The following UPF2 variants were observed in gnomAD, a reference collection of about 807,000 sequenced individuals.
UPF2 encodes regulator of nonsense transcripts 2.
A neutral mutation model predicts 141.4 loss-of-function variants in UPF2; 17 were observed. The ratio of observed to expected loss-of-function variants is 0.12; its 90% confidence interval spans 0.08 to 0.18. The LOEUF is 0.18. UPF2 is among the 10% of genes least tolerant of loss of function. The pLI, the probability that UPF2 is intolerant of heterozygous loss-of-function variation, is 1.00. For synonymous variants in UPF2, 540 were observed against 498.0 expected, an observed-to-expected ratio of 1.08 and a Z score of -1.12; for missense variants, 1,152 against 1,515.9, an observed-to-expected ratio of 0.76 and a Z score of 3.99.
At chr10:12,000,693 G>T (rs904355416) in intron 6 of UPF2, among the ~76,000 whole-genome samples, 62 of 152,110 alleles carry the variant, frequency 4.1e-4, no homozygotes, top group African/African-American at 1.5e-3. Flanking sequence ...TACAGTCCCA[G>T]CTACTTGGAG....
At chr10:11,974,947 G>A (rs2131220241) in intron 9 of UPF2, among the ~76,000 whole-genome samples, 1 of 152,172 alleles carries the variant, frequency 6.6e-6, no homozygotes, top group East Asian at 1.9e-4. Context: ...AAAATATTTG[G>A]TACAACTGCC....
chr10:12,015,165 A>G (rs1339130386), intron 3 of UPF2, among the ~76,000 whole-genome samples: 1 of 152,258 alleles, frequency 6.6e-6, no homozygotes, highest in Non-Finnish European at 1.5e-5. Context: ...AAAGTCAATT[A>G]TAAATTATAA....
chr10:11,925,460 A>C (rs1197217541), intron 21 of UPF2, among the ~76,000 whole-genome samples: 2 of 152,266 alleles, frequency 1.3e-5, no homozygotes, highest in Non-Finnish European at 2.9e-5. Context: ...GACTGTGAAA[A>C]GTTCTTTTGT....
chr10:11,946,865 C>G (rs1356532767), intron 16 of UPF2, among the ~76,000 whole-genome samples: 1 of 152,150 alleles, frequency 6.6e-6, no homozygotes, highest in Non-Finnish European at 1.5e-5. Context: ...TAGATGTGCA[C>G]AGCTTCATGG....
chr10:12,038,683 A>G (rs1834679203), intron 1 of UPF2, among the ~76,000 whole-genome samples: 1 of 149,716 alleles, frequency 6.7e-6, no homozygotes, highest in African/African-American at 2.5e-5. Context: ...AAGCCGAGAT[A>G]GCGCCACTGC....
At chr10:11,938,665 C>T (rs753874775) in intron 18 of UPF2, among the ~76,000 whole-genome samples, 4 of 151,500 alleles carry the variant, frequency 2.6e-5, no homozygotes, top group African/African-American at 7.3e-5. Context: ...CTAGATCATT[C>T]ATCATTTCTC....
At chr10:11,962,780 C>T (rs937791340) in intron 11 of UPF2, among the ~76,000 whole-genome samples, 8 of 152,118 alleles carry the variant, frequency 5.3e-5, no homozygotes, top group African/African-American at 1.9e-4. Context: ...CTAGTGCGTG[C>T]CTATCCTCCT....
At position 12,042,230 on chromosome 10, in the gene UPF2, G is replaced by A. The variant is rs1049052756; in HGVS notation, c.-19+525C>T. Among the ~76,000 whole-genome samples, 10 of 149,762 alleles carry A rather than the reference G, an allele frequency of 6.7e-5. No individual in the cohort carries two copies. Among genetic ancestry groups the A allele is most frequent in the African/African-American group, 2.2e-4 (9 of 40,526 alleles). ...CCCCGACACAACTCCCCTTCCCACA[G>A]GTATCCACGGTCACCTTCGCGGACC... On this transcript the variant is annotated intron_variant, in intron 1 of 21. Transcript: ENST00000357604. The surrounding 1 kb of genome is among the most constrained non-coding windows in gnomAD (Gnocchi z 5.5).
In UPF2 at chr10:11,999,976, T is replaced by C; in HGVS notation, c.1688A>G (p.His563Arg). The change falls in exon 7 of 22, where the codon CAT (histidine) becomes CGT (arginine). Residue 563 changes from histidine (H) to arginine (R), a missense_variant. Physicochemically the swap from His to Arg is conservative, Grantham distance 29 (BLOSUM62 0). Coordinates refer to ENST00000357604, the MANE Select transcript of UPF2 (RefSeq NM_015542.4). The stretch of plus-strand genomic sequence containing the variant: ...GAAAGCATCTACTATGAGCTTGAGA[T>C]GAGATCCAGTGCTGGCTTCCTCATC... ...QEDEEASTGS[H>R]LKLIVDAFLQ... 6.2e-7 allele frequency: 1 copy of C among 1,609,570 alleles called. No homozygotes were observed. The highest frequency in any genetic ancestry group is 8.5e-7 in the Non-Finnish European group (1 of 1,176,686).
chr10:11,938,744 T>C (rs1437479964), intron 18 of UPF2, among the ~76,000 whole-genome samples: 1 of 151,934 alleles, frequency 6.6e-6, no homozygotes, highest in Admixed American at 6.6e-5. Flanking sequence ...TGGCCTGTCA[T>C]TTCTTCAAGT....
At chr10:11,967,726 T>G (rs1278782896) in intron 9 of UPF2, among the ~76,000 whole-genome samples, 1 of 151,972 alleles carries the variant, frequency 6.6e-6, no homozygotes, top group Admixed American at 6.6e-5. Context: ...GGTAATTTTT[T>G]GTATTTTTAG....
At chr10:12,024,910 G>C (rs1464791347) in intron 3 of UPF2, among the ~76,000 whole-genome samples, 2 of 115,770 alleles carry the variant, frequency 1.7e-5, no homozygotes, top group Non-Finnish European at 3.3e-5. Flanking sequence ...CTCTAGCCCA[G>C]GTAAGAGGGA....
chr10:11,967,763 C>A (rs1485309794), intron 9 of UPF2, among the ~76,000 whole-genome samples: 16 of 152,066 alleles, frequency 1.1e-4, no homozygotes, highest in Non-Finnish European at 2.9e-5. Context: ...TCATGTTGGC[C>A]AGGCTGGTCC....
intron 9 of UPF2, among the ~76,000 whole-genome samples, chr10:11,969,313 G>A (rs184539600): frequency 7.8e-4 from 119 of 151,968 alleles, no homozygotes; most frequent in Middle Eastern, 6.8e-3. Context: ...GGGATTACAG[G>A]CGCCCGCCAC....
At chr10:12,004,787 G>T (rs1372643832) in intron 4 of UPF2, 60 bp from the exon 5 acceptor site, 3 of 1,509,282 alleles carry the variant, frequency 2.0e-6, no homozygotes, top group South Asian at 1.2e-5. Flanking sequence ...TGATAAACAT[G>T]ACATAAGTTA....
At chr10:12,011,263 T>G (rs912979487) in intron 4 of UPF2, among the ~76,000 whole-genome samples, 1 of 152,252 alleles carries the variant, frequency 6.6e-6, no homozygotes, top group African/African-American at 2.4e-5. Context: ...GCCCTGGTAT[T>G]ACAGGCATAA....
chr10:11,945,539 G>A (rs966556635), intron 16 of UPF2, among the ~76,000 whole-genome samples: 3 of 152,184 alleles, frequency 2.0e-5, no homozygotes, highest in African/African-American at 4.8e-5. Context: ...CCACACACAA[G>A]CACTTGGAAC....
Position 12,014,164 on chromosome 10 carries a change from C to A in UPF2, c.1166G>T (p.Gly389Val). ...TTTATGTCTATCTTCACTGAGCTCC[C>A]CTTTAGAATGTAGAATGCGCCTATA... ...RQNRRILHSK[G>V]ELSEDRHKQY... The change falls in exon 4 of 22, where the codon GGG becomes GTG. Residue 389 changes from glycine (G) to valine (V), a missense_variant. Coordinates refer to ENST00000357604, the MANE Select transcript of UPF2 (RefSeq NM_015542.4). This position sits in a 1 kb window ranked among gnomAD's most constrained non-coding sequence, Gnocchi z 5.0. The A allele has an allele frequency of 6.7e-7, 1 of 1,491,428 alleles. No individual in the cohort carries two copies. The highest frequency in any genetic ancestry group is 2.5e-5 in the East Asian group (1 of 39,456). The allele number at this position is 1,491,428 out of a possible 1,614,324, so 92.4% of individuals were successfully genotyped here.
chr10:11,978,999 A>G lies in UPF2; in HGVS notation c.1953+58T>C, dbSNP rs111456147. ...CTTACCAACAATTACATTCTTAAAGAATCCTCACTCAACGTATAAGAATAT... is the reference window on the plus strand; with the variant it reads ...CTTACCAACAATTACATTCTTAAAGGATCCTCACTCAACGTATAAGAATAT... On this transcript the variant is annotated intron_variant, in intron 9 of 21. Transcript: ENST00000357604. 32 of 1,326,400 alleles carry G rather than the reference A, an allele frequency of 2.4e-5. No individual in the cohort carries two copies. In the African/African-American group the frequency reaches 4.4e-4, roughly 18 times the overall value. 82.2% of individuals were successfully genotyped at this position (1,326,400 alleles called of 1,614,324 possible).
Sources: allele counts gnomAD v4.1 joint callset (sites outside exome capture counted in the v4.1 genomes callset), GRCh38; gene constraint gnomAD v4.1.1; non-coding constraint Gnocchi (gnomAD v3.1); transcripts MANE v1.5; gene names NCBI Gene and HGNC (gene_info 2026-07-23, HGNC 2026-07-21).